TIAM2: variants seen among roughly 807,000 people sequenced by gnomAD.
TIAM2 encodes TIAM Rac1 associated GEF 2, also known as rho guanine nucleotide exchange factor TIAM2.
A neutral mutation model predicts 152.9 loss-of-function variants in TIAM2; 80 were observed. The ratio of observed to expected loss-of-function variants is 0.52; its 90% CI spans 0.44 to 0.63. The LOEUF (loss-of-function observed/expected upper bound fraction) is 0.63. TIAM2 is among the 30% of genes least tolerant of loss of function. The pLI is 0.00. For missense variants in TIAM2, 1,965 were observed against 2,120.1 expected (o/e 0.93, Z 1.44); for synonymous variants, 804 against 838.0 (o/e 0.96, Z 0.70).
At chr6:155,090,760 C>G (rs999263994) in intron 2 of TIAM2, among the ~76,000 whole-genome samples, 7 of 152,038 alleles carry the variant, frequency 4.6e-5, no homozygotes, top group Admixed American at 6.6e-5. Flanking sequence ...AATAGGACCT[C>G]CTGCTTGAGA....
At chr6:155,095,309 A>G (rs1778395525) in intron 2 of TIAM2, among the ~76,000 whole-genome samples, 2 of 152,158 alleles carry the variant, frequency 1.3e-5, no homozygotes, top group South Asian at 4.1e-4. Flanking sequence ...TTTAGTACGA[A>G]CAGAATCTGG....
chr6:155,123,824 C>T (rs1037657457), intron 2 of TIAM2, among the ~76,000 whole-genome samples: 11 of 152,228 alleles, frequency 7.2e-5, no homozygotes, highest in South Asian at 4.1e-4. Flanking sequence ...CCAGTGTCTT[C>T]GCTGGACCTT....
intron 14 of TIAM2, among the ~76,000 whole-genome samples, chr6:155,185,446 A>AT (rs916155914): frequency 2.7e-5 from 4 of 150,876 alleles, no homozygotes; most frequent in African/African-American, 7.3e-5. Context: ...TTCTTTTTAA[A>AT]TTTTTTTTTA....
At chr6:155,251,195 A>G (rs909885725) in intron 22 of TIAM2, among the ~76,000 whole-genome samples, 174 bp downstream of exon 22, 2 of 152,244 alleles carry the variant, frequency 1.3e-5, no homozygotes, top group Non-Finnish European at 2.9e-5. Flanking sequence ...ATCGCTCTGC[A>G]TCCTCATTAT....
At chr6:155,018,992 A>G (rs1776404482) in intron 1 of TIAM2, among the ~76,000 whole-genome samples, 1 of 147,896 alleles carries the variant, frequency 6.8e-6, no homozygotes, top group South Asian at 2.2e-4. Context: ...GTGAGCTGAG[A>G]TCGTGCTAGT....
chr6:155,093,382 T>C (rs567206812), intron 2 of TIAM2, among the ~76,000 whole-genome samples: 11 of 152,246 alleles, frequency 7.2e-5, no homozygotes, highest in South Asian at 6.2e-4. Context: ...GTGATTGCCA[T>C]TGGGGAAGGT....
In TIAM2 at chr6:155,244,984, C is replaced by A. The variant is rs548825073; in HGVS notation, c.3543+201C>A. 2.5e-4 allele frequency among the ~76,000 whole-genome samples: 38 copies of A among 152,132 alleles called. No individual in the cohort carries two copies. Among genetic ancestry groups the A allele is most frequent in the Non-Finnish European group, 4.7e-4 (32 of 67,982 alleles). On this transcript the variant is annotated intron_variant, in intron 18 of 26. Coordinates refer to ENST00000682666, the MANE Select transcript of TIAM2 (RefSeq NM_012454.4). Reference sequence around the variant, plus strand: ...ATATTTTTTTTTCCTGGCGCAGGTGCTTTTGGTAGTCAGAAGTCCAGCAGC... The same window carrying A: ...ATATTTTTTTTTCCTGGCGCAGGTGATTTTGGTAGTCAGAAGTCCAGCAGC...
At position 155,214,228 on chromosome 6, in the gene TIAM2, T is replaced by TC. The variant is rs1781798791; in HGVS notation, c.3168+2926dup. On this transcript the variant is annotated intron_variant, in intron 15 of 26. Transcript: ENST00000682666. This position sits in a 1 kb window ranked among gnomAD's most constrained non-coding sequence, Gnocchi z 5.4. ...TGGAACGCACAGCGCTGGCCGTGCC[T>TC]CCCCCGGTGCAGCCGGCATCATCGC... 6.6e-6 allele frequency among the ~76,000 whole-genome samples: 1 copy of TC among 152,210 alleles called. No individual in the cohort carries two copies. The highest frequency in any genetic ancestry group is 2.1e-4 in the South Asian group (1 of 4,818).
At chr6:155,083,185 C>G (rs950635660) in intron 1 of TIAM2, among the ~76,000 whole-genome samples, 6 of 151,748 alleles carry the variant, frequency 4.0e-5, no homozygotes, top group African/African-American at 1.5e-4. Flanking sequence ...CCTGTCTCTA[C>G]TAAAAGTACA....
intron 5 of TIAM2, among the ~76,000 whole-genome samples, chr6:155,140,569 T>TGG (rs1243980626): frequency 8.8e-6 from 1 of 113,370 alleles, no homozygotes; most frequent in South Asian, 3.3e-4. Context: ...TGTGTGTGTG[T>TGG]GTGTGAGAGA....
chr6:155,005,345 ATTT>A (rs779792642), intron 1 of TIAM2: 1 of 162,818 alleles, frequency 6.1e-6, no homozygotes, highest in Non-Finnish European at 1.3e-5. Context: ...TTTGTTTTTT[ATTT>A]TTTATTTTTG....
rs188940483 is a variant in TIAM2 at position 155,106,713 on chromosome 6, A to G, written c.-118+16334A>G. Among the ~76,000 whole-genome samples, 437 of 152,328 alleles carry G rather than the reference A, an allele frequency of 2.9e-3. 2 individuals are homozygous for G. The highest frequency in any genetic ancestry group is 0.01 in the African/African-American group (421 of 41,586). On this transcript the variant is annotated intron_variant, in intron 2 of 26. Transcript: ENST00000682666. Reference sequence around the variant, plus strand: ...AAAAAAGAAGCTGAGGCTCCCTTCAAGTGAGTAAACCTTTATTCGGCTGAC... The same window carrying G: ...AAAAAAGAAGCTGAGGCTCCCTTCAGGTGAGTAAACCTTTATTCGGCTGAC...
chr6:155,226,429 G>A (rs538944502), intron 15 of TIAM2, among the ~76,000 whole-genome samples: 41 of 152,314 alleles, frequency 2.7e-4, no homozygotes, highest in African/African-American at 9.9e-4. Context: ...CAGTACTTTG[G>A]GAGGCCGAGG....
intron 2 of TIAM2, among the ~76,000 whole-genome samples, chr6:155,117,878 C>G (rs1779052005): frequency 6.6e-6 from 1 of 152,246 alleles, no homozygotes; most frequent in South Asian, 2.1e-4. Flanking sequence ...GTGTCCAGCA[C>G]AGTGCTCCGT....
At chr6:155,118,423 CTTTTTCTTTTTCTTTTT>C (rs1479129085) in intron 2 of TIAM2, among the ~76,000 whole-genome samples, 9 of 112,170 alleles carry the variant, frequency 8.0e-5, no homozygotes, top group African/African-American at 4.2e-4. Context: ...TTTTCTTTTT[CTTTTTCTTTTTCTTTTT>C]TTTTTTTTTT....
At chr6:155,075,370 A>G (rs1014469789) in intron 1 of TIAM2, among the ~76,000 whole-genome samples, 2 of 151,830 alleles carry the variant, frequency 1.3e-5, no homozygotes, top group African/African-American at 4.8e-5. Flanking sequence ...AAACCCAACA[A>G]CCAACTCTTC....
In TIAM2 at chr6:155,257,401, A is replaced by AAGTT; in HGVS notation, c.*282_*285dup. The stretch of plus-strand genomic sequence containing the variant: ...TCCTTAAAATTACATTCTAATAATT[A>AAGTT]AGTTATGTGGAAAAAGTAAGGCTGG... On this transcript the variant is annotated 3_prime_UTR_variant, in exon 27 of 27. Transcript: ENST00000682666. The AAGTT allele has an allele frequency of 2.5e-6, 1 of 396,604 alleles. No homozygotes were observed. The highest frequency in any genetic ancestry group is 4.5e-6 in the Non-Finnish European group (1 of 222,904). The allele number at this position is 396,604 out of a possible 1,614,324, so 24.6% of individuals were successfully genotyped here. A position where few individuals can be genotyped will look rare whatever the true frequency, so the allele number is the denominator to read the frequency against.
intron 1 of TIAM2, among the ~76,000 whole-genome samples, chr6:155,033,126 A>G (rs1469098242): frequency 6.6e-6 from 1 of 152,138 alleles, no homozygotes; most frequent in Non-Finnish European, 1.5e-5. Flanking sequence ...GAACATTTGG[A>G]GAAGGTTAGT....
At position 155,256,711 on chromosome 6, in the gene TIAM2, G is replaced by T. The variant is rs1784060634; in HGVS notation, c.4696G>T (p.Asp1566Tyr). 10 of 1,614,222 alleles carry T rather than the reference G, an allele frequency of 6.2e-6. No individual in the cohort carries two copies. Among genetic ancestry groups the T allele is most frequent in the Non-Finnish European group, 8.5e-6 (10 of 1,180,042 alleles). ...DFADNLIKESDILSDEDDDHR... is the reference protein window; with the variant it reads ...DFADNLIKESYILSDEDDDHR... The stretch of plus-strand genomic sequence containing the variant: ...TGCCGACAATCTCATCAAAGAGAGT[G>T]ACATCCTGAGCGATGAAGATGATGA... Residue 1566 changes from aspartate to tyrosine, a missense_variant, in exon 27 of 27, where the codon GAC becomes TAC. Asp to Tyr is a radical substitution (Grantham distance 160). Transcript: ENST00000682666.
Sources: gnomAD v4.1 joint callset for allele counts (sites outside exome capture counted in the v4.1 genomes callset) on GRCh38, gnomAD v4.1.1 for gene constraint, Gnocchi (gnomAD v3.1) non-coding constraint, MANE v1.5 for transcripts, NCBI Gene and HGNC (gene_info 2026-07-23, HGNC 2026-07-21) for gene names.